The following MYO1H variants were observed in gnomAD, a reference collection of about 807,000 sequenced individuals.
MYO1H encodes myosin IH.
In MYO1H, 118 loss-of-function variants were observed where a neutral mutation model predicts 149.3. The observed-to-expected ratio is 0.79, with a 90% CI of 0.68 to 0.92. The LOEUF is 0.92. Among genes scored for constraint, MYO1H ranks in the 40% least tolerant of loss-of-function variants. MYO1H has a pLI of 0.00. For synonymous variants in MYO1H, 447 were observed against 465.2 expected (o/e 0.96, Z 0.50); for missense variants, 1,212 against 1,280.7 (o/e 0.95, Z 0.82).
Position 109,439,785 on chromosome 12 carries a change from GA to G in MYO1H, c.2453del (p.Asn818MetfsTer11). On this transcript the variant is annotated frameshift_variant, in exon 24 of 32. Coordinates refer to ENST00000310903, the Ensembl canonical transcript of MYO1H. LOFTEE classifies it high-confidence loss of function. The stretch of plus-strand genomic sequence containing the variant: ...CTGGCTGAGGCCTCCTGGCATCTTG[GA>G]AAATGTAAGGACTAATCTGGGATTT... The G allele has an allele frequency of 1.2e-6, 2 of 1,613,636 alleles. No homozygotes were observed. The highest frequency in any genetic ancestry group is 1.7e-6 in the Non-Finnish European group (2 of 1,179,656).
chr12:109,396,844 T>A (rs1869938720), intron 4 of MYO1H, among the ~76,000 whole-genome samples: 2 of 118,752 alleles, frequency 1.7e-5, no homozygotes, highest in Non-Finnish European at 1.8e-5. Flanking sequence ...TTTTTTTTTT[T>A]GAGACGGAGT....
At chr12:109,385,807 A>G (rs1869293486) in intron 1 of MYO1H, among the ~76,000 whole-genome samples, 1 of 152,170 alleles carries the variant, frequency 6.6e-6, no homozygotes, top group Non-Finnish European at 1.5e-5. Flanking sequence ...AGCTTTAACA[A>G]TTAACATTCT....
At chr12:109,320,573 G>C in the MYO1H span, among the ~76,000 whole-genome samples, 1 of 128,234 alleles carries the variant, frequency 7.8e-6, no homozygotes, top group South Asian at 2.7e-4. Context: ...GCAGTGAGCT[G>C]AGATCGCACC....
chr12:109,433,685 G>T (rs914284394), intron 20 of MYO1H, among the ~76,000 whole-genome samples: 1 of 152,194 alleles, frequency 6.6e-6, no homozygotes, highest in Non-Finnish European at 1.5e-5. Flanking sequence ...GTACATGGTC[G>T]TCTGGGCCGC....
intron 14 of MYO1H, among the ~76,000 whole-genome samples, chr12:109,414,216 C>T (rs1358457395): frequency 6.6e-6 from 1 of 152,018 alleles, no homozygotes; most frequent in Non-Finnish European, 1.5e-5. Context: ...TGGCTCACAC[C>T]TGTAATCCCA....
the MYO1H span, among the ~76,000 whole-genome samples, chr12:109,341,056 C>T: frequency 2.6e-5 from 4 of 151,872 alleles, no homozygotes; most frequent in Admixed American, 2.0e-4. Flanking sequence ...TATGTGGTGG[C>T]GGGCACCTGT....
chr12:109,399,969 T>G lies in MYO1H; in HGVS notation c.571-1124T>G, dbSNP rs538219247. Among the ~76,000 whole-genome samples the G allele has an allele frequency of 1.3e-4, 20 of 152,216 alleles. 1 individual carries two copies. The South Asian group carries it at 3.5e-3, about 27-fold the overall frequency. ...CTGCCCTTCCCCAACACACTCCCCCTTCCCACTGCCCACTGTTCTGACCTC... is the reference window on the plus strand; with the variant it reads ...CTGCCCTTCCCCAACACACTCCCCCGTCCCACTGCCCACTGTTCTGACCTC... On this transcript the variant is annotated intron_variant, in intron 5 of 31. Coordinates refer to ENST00000310903, the Ensembl canonical transcript of MYO1H.
At chr12:109,344,684 TA>T (rs1030591802), upstream of MYO1H, among the ~76,000 whole-genome samples, 1 of 152,294 alleles carries the variant, frequency 6.6e-6, no homozygotes, top group East Asian at 1.9e-4. Context: ...AAACTATCTT[TA>T]AAAAGGGAAA....
intron 1 of MYO1H, among the ~76,000 whole-genome samples, chr12:109,381,668 TG>T (rs149140304): frequency 0.038 from 5,775 of 152,084 alleles, 120 homozygotes; most frequent in Middle Eastern, 0.054. Context: ...TAGTTGGGTG[TG>T]GTGGTGCAAG....
intron 1 of MYO1H, among the ~76,000 whole-genome samples, chr12:109,371,154 GTTGTGA>G (rs1226739585): frequency 1.3e-5 from 2 of 149,216 alleles, no homozygotes; most frequent in Non-Finnish European, 3.0e-5. Context: ...TTAGGGAGAT[GTTGTGA>G]CTTTATAAGC....
the MYO1H span, among the ~76,000 whole-genome samples, chr12:109,335,083 T>TAGCG: frequency 6.6e-6 from 1 of 152,262 alleles, no homozygotes; most frequent in Non-Finnish European, 1.5e-5. Flanking sequence ...TTGTAGCATG[T>TAGCG]AGCGATACTT....
At chr12:109,348,048 A>G (rs1174851141) in intron 1 of MYO1H, 76 bp downstream of exon 1, 1 of 399,036 alleles carries the variant, frequency 2.5e-6, no homozygotes, top group East Asian at 3.6e-5. Context: ...AAATGGCTAT[A>G]ATGCTGGGCC....
rs60551691 is a variant in MYO1H at position 109,396,814 on chromosome 12, G to GTTTTTTTTTTTTTTTT, written c.489+247_489+262dup. Among the ~76,000 whole-genome samples the GTTTTTTTTTTTTTTTT allele has an allele frequency of 2.2e-4, 11 of 51,090 alleles. 2 individuals carry two copies. The highest frequency in any genetic ancestry group is 3.2e-4 in the Non-Finnish European group (8 of 25,122). 33.5% of individuals were successfully genotyped at this position (51,090 alleles called of 152,430 possible). On this transcript the variant is annotated intron_variant, in intron 4 of 31. Coordinates refer to ENST00000310903, the Ensembl canonical transcript of MYO1H. ...GACATTTGGTTTTTGTTTTGGTTTC[G>GTTTTTTTTTTTTTTTT]TTTTTTTTTTTTTTTTTTTTTTTTT...
chr12:109,385,668 A>G (rs1869290119), intron 1 of MYO1H, among the ~76,000 whole-genome samples: 1 of 152,136 alleles, frequency 6.6e-6, no homozygotes, highest in Admixed American at 6.6e-5. Flanking sequence ...AGGCTCTTCT[A>G]GCTCCATTTG....
rs541289093 is a variant in MYO1H at position 109,358,846 on chromosome 12, T to TAAAAAAAAAAAAAAA, written c.12+10884_12+10898dup. On this transcript the variant is annotated intron_variant, in intron 1 of 31. Transcript: ENST00000310903. ...TTCTGGGGGAAGCATCCTGTGGTGT[T>TAAAAAAAAAAAAAAA]AAAAAAAAAAAAAAAAAAAAAAAAG... is the stretch of plus-strand genomic sequence containing the variant. Among the ~76,000 whole-genome samples the TAAAAAAAAAAAAAAA allele has an allele frequency of 1.4e-4, 12 of 84,534 alleles. 1 individual carries two copies. The highest frequency in any genetic ancestry group is 6.7e-4 in the African/African-American group (12 of 17,856). 55.5% of individuals were successfully genotyped at this position (84,534 alleles called of 152,430 possible).
At chr12:109,392,801 T>TTTTA (rs887607438) in intron 2 of MYO1H, among the ~76,000 whole-genome samples, 3 of 151,934 alleles carry the variant, frequency 2.0e-5, no homozygotes, top group East Asian at 1.9e-4. Flanking sequence ...ATACCTTTCT[T>TTTTA]TTTATTTATT....
intron 16 of MYO1H, among the ~76,000 whole-genome samples, chr12:109,423,777 G>A (rs1168950841): frequency 2.0e-5 from 3 of 152,082 alleles, no homozygotes; most frequent in Admixed American, 6.5e-5. Flanking sequence ...GGGTTTATTC[G>A]TGTTGTGGAA....
intron 6 of MYO1H, 159 bp downstream of exon 6, chr12:109,401,431 A>G: frequency 1.0e-5 from 7 of 672,444 alleles, no homozygotes; most frequent in Non-Finnish European, 1.4e-5. Flanking sequence ...AATCTAATCC[A>G]TCTCCTCTTA....
intron 27 of MYO1H, among the ~76,000 whole-genome samples, 153 bp from the exon 28 acceptor site, chr12:109,443,355 TACACAC>T (rs10545297): frequency 0.27 from 19,823 of 74,682 alleles, 5,605 homozygotes; most frequent in Non-Finnish European, 0.3. Flanking sequence ...TGTGTGTATA[TACACAC>T]ACACACACAC....
Sources: gnomAD v4.1 joint callset for allele counts (sites outside exome capture counted in the v4.1 genomes callset) on GRCh38, gnomAD v4.1.1 for gene constraint, MANE v1.5 for transcripts, NCBI Gene and HGNC (gene_info 2026-07-23, HGNC 2026-07-21) for gene names.